Variants in MYCBP2 observed in about 807,000 individuals in gnomAD.
The protein encoded by MYCBP2 is MYC binding protein 2, also known as E3 ubiquitin-protein ligase MYCBP2.
A neutral mutation model predicts 525.3 loss-of-function variants in MYCBP2; 120 were observed. That is an observed-to-expected ratio of 0.23 (90% CI 0.20 to 0.27). MYCBP2 has a LOEUF of 0.27. Among genes scored for constraint, MYCBP2 ranks in the 10% least tolerant of loss-of-function variants. The pLI, the probability that MYCBP2 is intolerant of heterozygous loss-of-function variation, is 1.00. For synonymous variants in MYCBP2, 1,894 were observed against 1,955.8 expected, an observed-to-expected ratio of 0.97 and a Z score of 0.83; for missense variants, 4,149 against 5,657.1, an observed-to-expected ratio of 0.73 and a Z score of 8.55.
intron 2 of MYCBP2, among the ~76,000 whole-genome samples, chr13:77,294,982 A>G (rs1223059721): frequency 1.3e-5 from 2 of 152,148 alleles, no homozygotes; most frequent in Non-Finnish European, 2.9e-5. Context: ...AATCCTACCC[A>G]AGACTTTCTG....
chr13:77,323,705 T>C (rs986059179), intron 1 of MYCBP2, among the ~76,000 whole-genome samples: 3 of 152,254 alleles, frequency 2.0e-5, no homozygotes, highest in African/African-American at 7.2e-5. Context: ...TCTGCAATAC[T>C]GCCTGGCACA....
At chr13:77,205,059 A>C (rs1346225241) in intron 26 of MYCBP2, among the ~76,000 whole-genome samples, 197 bp downstream of exon 26, 1 of 151,978 alleles carries the variant, frequency 6.6e-6, no homozygotes, top group Non-Finnish European at 1.5e-5. Context: ...AATAATAAAT[A>C]AATAAATTTA....
At chr13:77,143,837 C>A (rs2055079069) in intron 49 of MYCBP2, among the ~76,000 whole-genome samples, 1 of 152,238 alleles carries the variant, frequency 6.6e-6, no homozygotes, top group South Asian at 2.1e-4. Context: ...CTGAATACTG[C>A]AGGTAACTGT....
rs2082321689 is a variant in MYCBP2 at position 77,326,427 on chromosome 13, A to C, written c.302+47T>G. The C allele has an allele frequency of 4.0e-6, 6 of 1,490,972 alleles. No homozygotes were observed. The highest frequency in any genetic ancestry group is 5.3e-6 in the Non-Finnish European group (6 of 1,125,236). The allele number at this position is 1,490,972 out of a possible 1,614,324, so 92.4% of individuals were successfully genotyped here. On this transcript the variant is annotated intron_variant, in intron 1 of 82. Coordinates refer to ENST00000544440, the MANE Select transcript of MYCBP2 (RefSeq NM_015057.5). The surrounding 1 kb of genome is among the most constrained non-coding windows in gnomAD (Gnocchi z 4.2). ...CGGGTGCACGCGCGGCATGGGGCGC[A>C]AGGAAGGGCGGCATGGGGCGCAAGG...
chr13:77,166,630 GTGT>G, intron 40 of MYCBP2, 76 bp from the exon 41 acceptor site: 1 of 918,098 alleles, frequency 1.1e-6, no homozygotes, highest in Non-Finnish European at 1.6e-6. Flanking sequence ...CTGTATGTGT[GTGT>G]GTGTCTATGC....
chr13:77,057,750 A>T (rs2038411384), intron 78 of MYCBP2, among the ~76,000 whole-genome samples: 1 of 152,094 alleles, frequency 6.6e-6, no homozygotes, highest in Non-Finnish European at 1.5e-5. Flanking sequence ...AAAGAGGCAG[A>T]ATTTGCTCCT....
At chr13:77,187,588 A>G (rs2060846104) in intron 30 of MYCBP2, among the ~76,000 whole-genome samples, 1 of 152,214 alleles carries the variant, frequency 6.6e-6, no homozygotes, top group Non-Finnish European at 1.5e-5. Context: ...ACGCAAACGG[A>G]GAAGACTGAC....
rs192997700 is a variant in MYCBP2 at position 77,225,303 on chromosome 13, T to C, written c.2857+132A>G. The C allele has an allele frequency of 2.1e-3, 2,450 of 1,164,536 alleles. 10 individuals carry two copies. Among genetic ancestry groups the C allele is most frequent in the Admixed American group, 2.3e-3 (97 of 42,224 alleles). 72.1% of individuals were successfully genotyped at this position (1,164,536 alleles called of 1,614,324 possible). ...GATTCTGTAATAAATACAAAGGTCT[T>C]ACAGATTTGAGAGACTGCCACGCTA... On this transcript the variant is annotated intron_variant, in intron 19 of 82. Transcript: ENST00000544440.
intron 19 of MYCBP2, 65 bp downstream of exon 19, chr13:77,225,370 T>G: frequency 6.2e-7 from 1 of 1,602,080 alleles, no homozygotes; most frequent in African/African-American, 1.3e-5. Context: ...TCATCAAATC[T>G]GAAGAAATAA....
intron 23 of MYCBP2, among the ~76,000 whole-genome samples, chr13:77,209,016 C>T (rs1020037827): frequency 2.0e-5 from 3 of 152,006 alleles, no homozygotes; most frequent in Non-Finnish European, 4.4e-5. Context: ...AATTTAAGTG[C>T]CCCATTGAAA....
At chr13:77,268,332 T>C (rs2074381699) in intron 7 of MYCBP2, among the ~76,000 whole-genome samples, 1 of 151,920 alleles carries the variant, frequency 6.6e-6, no homozygotes, top group African/African-American at 2.4e-5. Context: ...GAAGGTGTGG[T>C]ATGCCATTGA....
chr13:77,303,110 G>A (rs2078982794), intron 1 of MYCBP2, among the ~76,000 whole-genome samples: 1 of 152,206 alleles, frequency 6.6e-6, no homozygotes, highest in Non-Finnish European at 1.5e-5. Flanking sequence ...CAAGGCAGGT[G>A]GATCATGAGG....
chr13:77,112,448 A>C (rs1406643712), intron 55 of MYCBP2, among the ~76,000 whole-genome samples: 5 of 150,070 alleles, frequency 3.3e-5, no homozygotes, highest in African/African-American at 1.2e-4. Flanking sequence ...ATTAGAGACA[A>C]GGTCTCACTC....
Position 77,139,291 on chromosome 13 carries a change from T to C in MYCBP2, c.7564A>G (p.Ile2522Val), listed in dbSNP as rs756810000. 15 of 1,613,820 alleles carry C rather than the reference T, an allele frequency of 9.3e-6. No homozygotes were observed. Among genetic ancestry groups the C allele is most frequent in the South Asian group, 1.1e-5 (1 of 91,060 alleles). Residue 2522 changes from isoleucine to valine, a missense_variant, in exon 52 of 83, where the codon ATA (isoleucine) becomes GTA (valine). Around this residue, in one of 21 missense-constraint regions of MYCBP2, gnomAD observed 692 missense variants for 852.7 expected, o/e 0.81. Coordinates refer to ENST00000544440, the MANE Select transcript of MYCBP2 (RefSeq NM_015057.5). ...TTCATGTTAGGGACATACTTCTTTATTGTCTCATCATTCAGCCTCAGCCAC... is the reference window on the plus strand; with the variant it reads ...TTCATGTTAGGGACATACTTCTTTACTGTCTCATCATTCAGCCTCAGCCAC... ...GVWLRLNDET[I>V]KKYVPNMNGY... is the part of the protein sequence containing the mutation.
intron 18 of MYCBP2, among the ~76,000 whole-genome samples, chr13:77,228,662 A>T (rs1293858979): frequency 6.6e-6 from 1 of 151,002 alleles, no homozygotes; most frequent in African/African-American, 2.4e-5. Context: ...AAGTATGAGC[A>T]CATCTGTATT....
intron 13 of MYCBP2, among the ~76,000 whole-genome samples, chr13:77,260,057 G>A (rs1273818683): frequency 6.6e-6 from 1 of 152,142 alleles, no homozygotes; most frequent in East Asian, 1.9e-4. Flanking sequence ...ACACCCTAAT[G>A]GGGGAGATAA....
At chr13:77,312,647 CAA>C (rs1281740912) in intron 1 of MYCBP2, among the ~76,000 whole-genome samples, 3 of 151,486 alleles carry the variant, frequency 2.0e-5, no homozygotes, top group African/African-American at 7.3e-5. Flanking sequence ...CCAATAATCC[CAA>C]AATATAATCC....
At chr13:77,106,367 A>T (rs772348086) in intron 55 of MYCBP2, among the ~76,000 whole-genome samples, 1 of 152,128 alleles carries the variant, frequency 6.6e-6, no homozygotes, top group Non-Finnish European at 1.5e-5. Context: ...AAGCTGTGAC[A>T]TTCAATAACA....
intron 59 of MYCBP2, among the ~76,000 whole-genome samples, chr13:77,092,724 C>T (rs1361773622): frequency 6.6e-6 from 1 of 152,120 alleles, no homozygotes; most frequent in Non-Finnish European, 1.5e-5. Flanking sequence ...CAGCGCCTGG[C>T]CTCTATTTTC....
Sources: allele counts gnomAD v4.1 joint callset (sites outside exome capture counted in the v4.1 genomes callset), GRCh38; gene constraint gnomAD v4.1.1; regional missense constraint gnomAD v4.1.1; non-coding constraint Gnocchi (gnomAD v3.1); transcripts MANE v1.5; gene names NCBI Gene and HGNC (gene_info 2026-07-23, HGNC 2026-07-21).